The following TEAD4 variants were observed in gnomAD, a reference collection of about 807,000 sequenced individuals.
The protein encoded by TEAD4 is transcriptional enhancer factor TEF-3.
TEAD4 carries 36 observed loss-of-function variants against 52.4 expected under a neutral mutation model. The ratio of observed to expected loss-of-function variants is 0.69; its 90% CI spans 0.53 to 0.91. The LOEUF (loss-of-function observed/expected upper bound fraction) is 0.91, where lower values mean the gene tolerates loss of function less well. Among genes scored for constraint, TEAD4 ranks in the 40% least tolerant of loss-of-function variants. The pLI is 0.00. For missense variants in TEAD4, 508 were observed against 583.9 expected (o/e 0.87, Z 1.34); for synonymous variants, 220 against 231.0 (o/e 0.95, Z 0.43).
At chr12:3,013,164 C>T (rs933082598) in intron 5 of TEAD4, among the ~76,000 whole-genome samples, 3 of 151,722 alleles carry the variant, frequency 2.0e-5, no homozygotes, top group African/African-American at 7.3e-5. Context: ...TTTGCCTGAG[C>T]GGGTCATAAA....
intron 2 of TEAD4, among the ~76,000 whole-genome samples, chr12:2,982,052 G>A (rs150030578): frequency 3.3e-5 from 5 of 152,074 alleles, no homozygotes; most frequent in African/African-American, 9.7e-5. Flanking sequence ...GAGATGGATC[G>A]GACTAGGGAG....
At chr12:3,025,129 A>G (rs1390036706) in intron 10 of TEAD4, among the ~76,000 whole-genome samples, 1 of 152,064 alleles carries the variant, frequency 6.6e-6, no homozygotes, top group Non-Finnish European at 1.5e-5. Context: ...CTTTTTGTAG[A>G]GACAAGGTTT....
intron 5 of TEAD4, among the ~76,000 whole-genome samples, chr12:3,014,972 T>C (rs2098263264): frequency 6.6e-6 from 1 of 152,196 alleles, no homozygotes; most frequent in African/African-American, 2.4e-5. Flanking sequence ...GGTCAGGGGC[T>C]GGCCTGGGCA....
Position 3,019,479 on chromosome 12 carries a change from G to A in TEAD4, c.583+309G>A, listed in dbSNP as rs971956169. ...CGTGCCCTGGCGGCTGCCCCACTTG[G>A]CCGGCCTTGTTACTGCAGTGTGCCT... is the stretch of plus-strand genomic sequence containing the variant. On this transcript the variant is annotated intron_variant, in intron 8 of 12. Transcript: ENST00000359864. 7.9e-5 allele frequency among the ~76,000 whole-genome samples: 12 copies of A among 152,222 alleles called. 1 individual carries two copies. The highest frequency in any genetic ancestry group is 1.8e-4 in the Non-Finnish European group (12 of 68,036).
chr12:2,980,008 C>T (rs186810376), intron 2 of TEAD4, among the ~76,000 whole-genome samples: 2 of 152,264 alleles, frequency 1.3e-5, no homozygotes, highest in East Asian at 1.9e-4. Flanking sequence ...AAGAAGCCCT[C>T]TCCTGTGCTC....
At position 2,996,110 on chromosome 12, in the gene TEAD4, C is replaced by T. The variant is rs116508899; in HGVS notation, c.226+1118C>T. ...GGAAAGTCCTCTAGGAATCCTAGCT[C>T]AAAACAGTGGTCTTGGGGCAGGAGT... On this transcript the variant is annotated intron_variant, in intron 3 of 12. Coordinates refer to ENST00000359864, the MANE Select transcript of TEAD4 (RefSeq NM_003213.4). Among the ~76,000 whole-genome samples the T allele has an allele frequency of 6.2e-3, 945 of 152,154 alleles. 8 individuals carry two copies. The highest frequency in any genetic ancestry group is 0.021 in the African/African-American group (885 of 41,540).
At chr12:3,015,473 G>T (rs1352678494) in intron 5 of TEAD4, among the ~76,000 whole-genome samples, 1 of 152,248 alleles carries the variant, frequency 6.6e-6, no homozygotes, top group Non-Finnish European at 1.5e-5. Flanking sequence ...GAGTGGAAGG[G>T]CCTGCTGTGT....
intron 2 of TEAD4, among the ~76,000 whole-genome samples, chr12:2,985,706 A>G (rs1423630592): frequency 6.6e-6 from 1 of 151,766 alleles, no homozygotes; most frequent in South Asian, 2.1e-4. Context: ...GGGTTTCAGC[A>G]TATTGGCCAG....
intron 10 of TEAD4, among the ~76,000 whole-genome samples, chr12:3,034,597 G>A (rs1004783697): frequency 2.6e-5 from 4 of 152,116 alleles, no homozygotes; most frequent in African/African-American, 9.7e-5. Context: ...TTGGCACACT[G>A]GATTCTTCTA....
At position 3,040,087 on chromosome 12, in the gene TEAD4, G is replaced by T; in HGVS notation, c.1039-20G>T. 6 of 1,613,418 alleles carry T rather than the reference G, an allele frequency of 3.7e-6. No homozygotes were observed. The highest frequency in any genetic ancestry group is 5.1e-6 in the Non-Finnish European group (6 of 1,179,458). Reference sequence around the variant, plus strand: ...GGTCAGAATGGGATTCTAAGCCCCTGCTCTCCCCGGGTCCTGCAGACAGAG... The same window carrying T: ...GGTCAGAATGGGATTCTAAGCCCCTTCTCTCCCCGGGTCCTGCAGACAGAG... On this transcript the variant is annotated intron_variant, in intron 11 of 12. Coordinates refer to ENST00000359864, the MANE Select transcript of TEAD4 (RefSeq NM_003213.4).
At chr12:3,029,122 G>A (rs1041332344) in intron 10 of TEAD4, among the ~76,000 whole-genome samples, 2 of 151,682 alleles carry the variant, frequency 1.3e-5, no homozygotes, top group Non-Finnish European at 2.9e-5. Context: ...AGGCTGGAGT[G>A]CACTGGCATG....
intron 11 of TEAD4, among the ~76,000 whole-genome samples, chr12:3,038,544 A>G (rs970403588): frequency 1.3e-4 from 20 of 152,192 alleles, no homozygotes; most frequent in Admixed American, 1.1e-3. Context: ...GAACTCCATG[A>G]ATGCCTAAAA....
rs374480872 is a variant in TEAD4, at chr12:3,010,962, T to C, written c.227-42T>C. Reference sequence around the variant, plus strand: ...CGCACCCCCTCACTGCTTCCAGCCTTTTGTCCTTCTCTCCACTGAGAGGCT... The same window carrying C: ...CGCACCCCCTCACTGCTTCCAGCCTCTTGTCCTTCTCTCCACTGAGAGGCT... On this transcript the variant is annotated intron_variant, in intron 3 of 12. Coordinates refer to ENST00000359864, the MANE Select transcript of TEAD4 (RefSeq NM_003213.4). 1.1e-4 allele frequency: 171 copies of C among 1,612,642 alleles called. No individual in the cohort carries two copies. In the East Asian group the frequency reaches 3.0e-3, roughly 29 times the overall value.
intron 10 of TEAD4, among the ~76,000 whole-genome samples, chr12:3,035,774 C>T (rs1017697776): frequency 1.1e-4 from 16 of 141,800 alleles, no homozygotes; most frequent in African/African-American, 3.8e-4. Context: ...GAGCCGTGAT[C>T]ATACCACTGT....
chr12:2,972,961 A>G (rs939326425), intron 2 of TEAD4, among the ~76,000 whole-genome samples: 1 of 152,076 alleles, frequency 6.6e-6, no homozygotes, highest in Non-Finnish European at 1.5e-5. Context: ...CCATCCCCCA[A>G]ACGATTCCAT....
At chr12:2,975,391 T>C (rs182139308) in intron 2 of TEAD4, among the ~76,000 whole-genome samples, 2 of 36,352 alleles carry the variant, frequency 5.5e-5, no homozygotes, top group South Asian at 1.5e-3. Context: ...ATTATTATTA[T>C]TATTATTATT....
At chr12:3,004,162 C>T (rs1360351849) in intron 3 of TEAD4, among the ~76,000 whole-genome samples, 7 of 152,332 alleles carry the variant, frequency 4.6e-5, no homozygotes, top group East Asian at 1.9e-4. Flanking sequence ...GATCTCCCTC[C>T]GGGACCTTAC....
chr12:2,997,129 G>A (rs952914638), intron 3 of TEAD4, among the ~76,000 whole-genome samples: 1 of 152,182 alleles, frequency 6.6e-6, no homozygotes, highest in Non-Finnish European at 1.5e-5. Flanking sequence ...TGGCTCATGA[G>A]CATGCCTTCC....
In TEAD4 at chr12:3,014,835, C is replaced by T. The variant is rs539567547; in HGVS notation, c.355-2563C>T. On this transcript the variant is annotated intron_variant, in intron 5 of 12. Transcript: ENST00000359864. ...CTGAGCCCCAGCCGTTTGTTTAGAT[C>T]GAGTATCCAGGAAGGCAGGCACTGA... Among the ~76,000 whole-genome samples, 80 of 152,324 alleles carry T rather than the reference C, an allele frequency of 5.3e-4. 1 individual carries two copies. The South Asian group carries it at 8.3e-3, about 16-fold the overall frequency.
Sources: allele counts gnomAD v4.1 joint callset (sites outside exome capture counted in the v4.1 genomes callset), GRCh38; gene constraint gnomAD v4.1.1; transcripts MANE v1.5; gene names NCBI Gene and HGNC (gene_info 2026-07-23, HGNC 2026-07-21).